GBE1: variants seen among roughly 807,000 people sequenced by gnomAD.
GBE1 encodes 1,4-alpha-glucan branching enzyme 1.
In GBE1, 70 loss-of-function variants were observed where a neutral mutation model predicts 88.8. That is an observed-to-expected ratio of 0.79 (90% CI 0.65 to 0.96). The LOEUF (loss-of-function observed/expected upper bound fraction) is 0.96. Among genes scored for constraint, GBE1 ranks in the 40% least tolerant of loss-of-function variants. GBE1 has a pLI of 0.00. For missense variants in GBE1, 872 were observed against 871.0 expected (o/e 1.00, Z -0.01); for synonymous variants, 284 against 300.1 (o/e 0.95, Z 0.56).
chr3:81,755,205 G>A (rs139411961), intron 1 of GBE1, among the ~76,000 whole-genome samples: 6 of 152,096 alleles, frequency 3.9e-5, no homozygotes, highest in Middle Eastern at 3.4e-3. Flanking sequence ...GCCGACAGGT[G>A]TATGAAAAAA....
chr3:81,630,879 A>G (rs1282851300), intron 7 of GBE1, among the ~76,000 whole-genome samples: 1 of 152,158 alleles, frequency 6.6e-6, no homozygotes, highest in African/African-American at 2.4e-5. Context: ...AGAAAAGAGC[A>G]TCATAAAATA....
intron 2 of GBE1, among the ~76,000 whole-genome samples, chr3:81,700,977 A>G (rs1705678969): frequency 6.6e-6 from 1 of 152,166 alleles, no homozygotes; most frequent in Non-Finnish European, 1.5e-5. Context: ...TTTCTCTCTT[A>G]TTATCATCTA....
At chr3:81,625,653 G>A (rs918642627) in intron 7 of GBE1, among the ~76,000 whole-genome samples, 1 of 152,002 alleles carries the variant, frequency 6.6e-6, no homozygotes. Context: ...TGTTACCTAG[G>A]GTGGTCTTAA....
At chr3:81,631,516 C>G (rs917913820) in intron 7 of GBE1, among the ~76,000 whole-genome samples, 6 of 151,708 alleles carry the variant, frequency 4.0e-5, no homozygotes, top group African/African-American at 1.5e-4. Flanking sequence ...GTGGGCAGAT[C>G]ACAAGGTCAG....
intron 3 of GBE1, among the ~76,000 whole-genome samples, chr3:81,660,631 T>A (rs1705012853): frequency 6.6e-6 from 1 of 152,096 alleles, no homozygotes; most frequent in Non-Finnish European, 1.5e-5. Flanking sequence ...CATATAATTT[T>A]CAATTTGAGC....
intron 15 of GBE1, among the ~76,000 whole-genome samples, chr3:81,492,766 T>C (rs1702454843): frequency 6.7e-6 from 1 of 150,244 alleles, no homozygotes; most frequent in African/African-American, 2.5e-5. Context: ...TTACATGGAG[T>C]CTTGCTATGT....
chr3:81,511,456 G>T (rs777508681), intron 14 of GBE1, among the ~76,000 whole-genome samples: 3 of 151,786 alleles, frequency 2.0e-5, no homozygotes, highest in Admixed American at 1.3e-4. Context: ...GAGTCTTATG[G>T]AATTCATAAG....
chr3:81,626,737 TAA>T (rs58831741), intron 7 of GBE1, among the ~76,000 whole-genome samples: 12,145 of 141,378 alleles, frequency 0.086, 903 homozygotes, highest in African/African-American at 0.2. Context: ...TCAGACTCAT[TAA>T]AAAAAAAAAA....
chr3:81,606,375 T>C (rs1379811215), intron 7 of GBE1, among the ~76,000 whole-genome samples: 2 of 152,252 alleles, frequency 1.3e-5, no homozygotes, highest in Non-Finnish European at 2.9e-5. Context: ...TCAAAGTCCA[T>C]GCCCATTTGC....
At position 81,617,061 on chromosome 3, in the gene GBE1, T is replaced by A. The variant is rs1704258021; in HGVS notation, c.993-23038A>T. Among the ~76,000 whole-genome samples the A allele has an allele frequency of 2.0e-5, 3 of 150,806 alleles. No individual in the cohort carries two copies. In the South Asian group the frequency reaches 6.3e-4, roughly 31 times the overall value. ...CCTGTTCATTACTAGTATATAGAAATACAACTGCAACCTTGCTCATCTCAT... is the reference window on the plus strand; with the variant it reads ...CCTGTTCATTACTAGTATATAGAAAAACAACTGCAACCTTGCTCATCTCAT... On this transcript the variant is annotated intron_variant, in intron 7 of 15. Transcript: ENST00000429644.
chr3:81,707,273 C>T (rs550289391), intron 1 of GBE1, among the ~76,000 whole-genome samples: 1 of 151,910 alleles, frequency 6.6e-6, no homozygotes, highest in African/African-American at 2.4e-5. Context: ...ATAAAGCCAA[C>T]TCCACACAAT....
intron 14 of GBE1, among the ~76,000 whole-genome samples, chr3:81,528,809 T>C (rs373490459): frequency 4.6e-5 from 7 of 152,066 alleles, no homozygotes; most frequent in East Asian, 3.9e-4. Flanking sequence ...GTTTTATGCT[T>C]TCTGTTTGCA....
chr3:81,540,307 G>A (rs534150408), intron 12 of GBE1, among the ~76,000 whole-genome samples: 1 of 152,078 alleles, frequency 6.6e-6, no homozygotes, highest in South Asian at 2.1e-4. Context: ...TACTTCTGGA[G>A]TGATTAGTAG....
rs746938671 is a variant in GBE1, at chr3:81,606,821, C to T, written c.993-12798G>A. ...CATTTATGTGACACTATGATCATTT[C>T]GTGGTTTATTATTATTTACTTTAAG... On this transcript the variant is annotated intron_variant, in intron 7 of 15. Coordinates refer to ENST00000429644, the MANE Select transcript of GBE1 (RefSeq NM_000158.4). Among the ~76,000 whole-genome samples, 3 of 152,098 alleles carry T rather than the reference C, an allele frequency of 2.0e-5. No homozygotes were observed. The South Asian group carries it at 6.2e-4, about 31-fold the overall frequency.
intron 12 of GBE1, among the ~76,000 whole-genome samples, chr3:81,537,372 C>T (rs1703091968): frequency 6.6e-6 from 1 of 151,898 alleles, no homozygotes; most frequent in African/African-American, 2.4e-5. Flanking sequence ...AAACTGAAGA[C>T]AATTATCAAT....
intron 3 of GBE1, among the ~76,000 whole-genome samples, chr3:81,663,531 C>T (rs1576190665): frequency 6.6e-6 from 1 of 152,196 alleles, no homozygotes; most frequent in African/African-American, 2.4e-5. Flanking sequence ...CAGAGAGCTA[C>T]TTCCACTCGA....
chr3:81,646,063 A>G (rs1396085694), intron 6 of GBE1, among the ~76,000 whole-genome samples: 1 of 152,228 alleles, frequency 6.6e-6, no homozygotes. Context: ...ATCTCTTTCC[A>G]GAAAACGATG....
chr3:81,591,196 A>T, intron 8 of GBE1, 32 bp from the exon 9 acceptor site: 1 of 1,544,328 alleles, frequency 6.5e-7, no homozygotes, highest in South Asian at 1.2e-5. Context: ...CGGATATATT[A>T]TGTTAACAAG....
At chr3:81,639,038 C>T (rs754087665) in intron 7 of GBE1, among the ~76,000 whole-genome samples, 87 of 152,084 alleles carry the variant, frequency 5.7e-4, no homozygotes, top group Non-Finnish European at 1.3e-4. Flanking sequence ...ATCAGCCTAA[C>T]AAATGTAAGG....
Sources: allele counts gnomAD v4.1 joint callset (sites outside exome capture counted in the v4.1 genomes callset), GRCh38; gene constraint gnomAD v4.1.1; transcripts MANE v1.5; gene names NCBI Gene and HGNC (gene_info 2026-07-23, HGNC 2026-07-21).